The following MBOAT7 variants were observed in gnomAD, a reference collection of about 807,000 sequenced individuals.
MBOAT7 encodes the protein membrane bound acylglycerophosphatidylinositol O-acyltransferase MBOAT7, also known as membrane-bound acylglycerophosphatidylinositol O-acyltransferase MBOAT7.
MBOAT7 carries 40 observed loss-of-function variants against 47.4 expected under a neutral mutation model. The ratio of observed to expected loss-of-function variants is 0.84; its 90% confidence interval spans 0.66 to 1.10. The LOEUF (loss-of-function observed/expected upper bound fraction) is 1.10. Among genes scored for constraint, MBOAT7 ranks in the 50% least tolerant of loss-of-function variants. MBOAT7 has a pLI of 0.00. For synonymous variants in MBOAT7, 361 were observed against 292.0 expected (o/e 1.24, Z -2.41); for missense variants, 680 against 655.6 (o/e 1.04, Z -0.41).
At chr19:54,182,104 C>G (rs1432735117) in intron 5 of MBOAT7, among the ~76,000 whole-genome samples, 1 of 151,720 alleles carries the variant, frequency 6.6e-6, no homozygotes, top group Non-Finnish European at 1.5e-5. Flanking sequence ...TAGGAGATAG[C>G]TGTGGCACTT....
chr19:54,173,761 T>G lies in MBOAT7; in HGVS notation c.*283A>C. On this transcript the variant is annotated 3_prime_UTR_variant, in exon 8 of 8. Transcript: ENST00000245615. ...ACCCACTGCCCAGGGGCCCCTTCCGTTTTGGGGAAGTGCAGTGCTCTCTGG... is the reference window on the plus strand; with the variant it reads ...ACCCACTGCCCAGGGGCCCCTTCCGGTTTGGGGAAGTGCAGTGCTCTCTGG... The G allele has an allele frequency of 5.2e-5, 19 of 368,486 alleles. No homozygotes were observed. Among genetic ancestry groups the G allele is most frequent in the South Asian group, 1.6e-4 (2 of 12,792 alleles). 22.8% of individuals were successfully genotyped at this position (368,486 alleles called of 1,614,324 possible).
intron 4 of MBOAT7, among the ~76,000 whole-genome samples, chr19:54,184,536 G>A (rs2076377868): frequency 6.6e-6 from 1 of 152,028 alleles, no homozygotes; most frequent in African/African-American, 2.4e-5. Flanking sequence ...TTATTCCCTT[G>A]TAAGATGGCC....
chr19:54,187,292 GC>G lies in MBOAT7; in HGVS notation c.207-6del. 6.2e-7 allele frequency: 1 copy of G among 1,606,574 alleles called. No individual in the cohort carries two copies. Among genetic ancestry groups the G allele is most frequent in the Non-Finnish European group, 8.5e-7 (1 of 1,176,672 alleles). On this transcript the variant is annotated splice_region_variant and splice_polypyrimidine_tract_variant and intron_variant, in intron 3 of 7. Transcript: ENST00000245615. ...AGAGCCAGGGCGTGGCAGGAGCTGG[GC>G]AAAAGCAGGAGGCGCACTGTGTTGG...
intron 7 of MBOAT7, among the ~76,000 whole-genome samples, 197 bp from the exon 8 acceptor site, chr19:54,174,628 C>T (rs1352511412): frequency 1.3e-5 from 2 of 149,482 alleles, no homozygotes; most frequent in African/African-American, 4.9e-5. Context: ...CCCAGTCCCT[C>T]CTCCCTCAGA....
At chr19:54,179,356 G>A (rs1468218463) in intron 6 of MBOAT7, 1 of 204,676 alleles carries the variant, frequency 4.9e-6, no homozygotes, top group Non-Finnish European at 9.9e-6. Context: ...TAATAACAAG[G>A]TGCTTCACGG....
intron 7 of MBOAT7, 39 bp from the exon 8 acceptor site, chr19:54,174,470 G>A: frequency 2.7e-6 from 4 of 1,482,242 alleles, no homozygotes; most frequent in Non-Finnish European, 3.6e-6. Context: ...ACGAGTCCAG[G>A]TCCCCAGTGC....
chr19:54,178,324 G>C, intron 7 of MBOAT7: 5 of 1,044,266 alleles, frequency 4.8e-6, no homozygotes, highest in Non-Finnish European at 5.8e-6. Flanking sequence ...GCACTTACCT[G>C]TCAGGCCTCA....
chr19:54,187,103 T>A (rs1255329808), intron 4 of MBOAT7, 58 bp downstream of exon 4: 1 of 1,507,874 alleles, frequency 6.6e-7, no homozygotes, highest in East Asian at 2.5e-5. Flanking sequence ...GGAGGTAAAG[T>A]GGGAGGTGAA....
rs200073889 is a variant in MBOAT7 at position 54,180,459 on chromosome 19, TG to T, written c.854+313del. On this transcript the variant is annotated intron_variant, in intron 6 of 7. Transcript: ENST00000245615. The surrounding 1 kb of genome is among the most constrained non-coding windows in gnomAD (Gnocchi z 5.2). Reference sequence around the variant, plus strand: ...CCAGCAAGCAGGAACAATCTGGTTCTGGGGGGTGACACTTCTGTGGCAACAG... The same window carrying T: ...CCAGCAAGCAGGAACAATCTGGTTCTGGGGGTGACACTTCTGTGGCAACAG... The T allele has an allele frequency of 1.4e-5, 4 of 289,652 alleles. No individual in the cohort carries two copies. Among genetic ancestry groups the T allele is most frequent in the Non-Finnish European group, 2.6e-5 (4 of 154,930 alleles). The allele number at this position is 289,652 out of a possible 1,614,324, so 17.9% of individuals were successfully genotyped here.
At chr19:54,177,419 C>G (rs931150729) in intron 7 of MBOAT7, among the ~76,000 whole-genome samples, 1 of 151,674 alleles carries the variant, frequency 6.6e-6, no homozygotes. Context: ...CCTCAGCCTC[C>G]CCAGTAGCTG....
chr19:54,185,691 CT>C (rs1451109620), intron 4 of MBOAT7, among the ~76,000 whole-genome samples: 1 of 146,266 alleles, frequency 6.8e-6, no homozygotes, highest in Non-Finnish European at 1.5e-5. Context: ...AGTTTTCTTT[CT>C]TTTCTTTTCT....
intron 7 of MBOAT7, among the ~76,000 whole-genome samples, chr19:54,176,675 A>G (rs2076116440): frequency 6.6e-6 from 1 of 152,174 alleles, no homozygotes; most frequent in Non-Finnish European, 1.5e-5. Flanking sequence ...GGGGTGCAGC[A>G]GCAGCACAGT....
intron 5 of MBOAT7, among the ~76,000 whole-genome samples, chr19:54,181,489 C>A (rs989890655): frequency 6.6e-6 from 1 of 151,132 alleles, no homozygotes; most frequent in Admixed American, 6.6e-5. Context: ...GACCCCATCA[C>A]TACAAAAAAT....
chr19:54,185,374 T>C (rs1315941139), intron 4 of MBOAT7, among the ~76,000 whole-genome samples: 1 of 152,038 alleles, frequency 6.6e-6, no homozygotes, highest in African/African-American at 2.4e-5. Context: ...CAACCCTTTT[T>C]CCATCCAGGT....
chr19:54,175,725 T>C (rs998927325), intron 7 of MBOAT7, among the ~76,000 whole-genome samples: 1 of 152,066 alleles, frequency 6.6e-6, no homozygotes, highest in Non-Finnish European at 1.5e-5. Context: ...AATTTCTGTA[T>C]TTTTTGTTGT....
rs1286487279 is a variant in MBOAT7 at position 54,178,925 on chromosome 19, A to C, written c.871T>G (p.Ser291Ala). 2.5e-6 allele frequency: 4 copies of C among 1,612,986 alleles called. No homozygotes were observed. In the South Asian group the frequency reaches 4.4e-5, roughly 18 times the overall value. Residue 291 changes from serine to alanine, a missense_variant, in exon 7 of 8, where the codon TCC (serine) becomes GCC (alanine). By Grantham distance (99) the Ser-to-Ala change is moderately conservative. Transcript: ENST00000245615. The part of the protein sequence containing the change: ...PPPSSPEKAA[S>A]LEYDYETIRN... The stretch of plus-strand genomic sequence containing the variant: ...ATGGTCTCATAGTCATACTCCAAGG[A>C]AGCCGCCTTCTCCGGACTGGGGGGT...
chr19:54,188,175 C>T (rs1316485537), intron 3 of MBOAT7, 42 bp downstream of exon 3: 1 of 1,546,316 alleles, frequency 6.5e-7, no homozygotes, highest in East Asian at 2.3e-5. Flanking sequence ...TTGCTTCCCC[C>T]TCTCCCCTCC....
Position 54,179,086 on chromosome 19 carries a change from G to C in MBOAT7, c.855-145C>G, listed in dbSNP as rs549463206. 150 of 1,179,032 alleles carry C rather than the reference G, an allele frequency of 1.3e-4. 2 individuals carry two copies. The South Asian group carries it at 2.1e-3, about 17-fold the overall frequency. The allele number at this position is 1,179,032 out of a possible 1,614,324, so 73.0% of individuals were successfully genotyped here. On this transcript the variant is annotated intron_variant, in intron 6 of 7. Coordinates refer to ENST00000245615, the MANE Select transcript of MBOAT7 (RefSeq NM_024298.5). ...TCTGGCTGTCAGACTTGCTAGGGCA[G>C]CAAGGGAGGGTGGCCCAGAGGGTGC...
intron 6 of MBOAT7, chr19:54,179,932 T>G (rs1244884728): frequency 6.6e-6 from 1 of 152,220 alleles, no homozygotes; most frequent in Non-Finnish European, 1.5e-5. Context: ...CTACTCCTGG[T>G]TGCCGGGGGT....
Sources: allele counts gnomAD v4.1 joint callset (sites outside exome capture counted in the v4.1 genomes callset), GRCh38; gene constraint gnomAD v4.1.1; non-coding constraint Gnocchi (gnomAD v3.1); transcripts MANE v1.5; gene names NCBI Gene and HGNC (gene_info 2026-07-23, HGNC 2026-07-21).